Variants in CNTNAP2 observed in about 807,000 individuals in gnomAD.
The protein encoded by CNTNAP2 is contactin-associated protein-like 2.
A neutral mutation model predicts 155.2 loss-of-function variants in CNTNAP2; 98 were observed. The observed-to-expected ratio is 0.63, with a 90% CI of 0.54 to 0.75. CNTNAP2 has a LOEUF of 0.75. CNTNAP2 is among the 30% of genes least tolerant of loss of function. The pLI is 0.00. For missense variants in CNTNAP2, 1,727 were observed against 1,688.1 expected (o/e 1.02, Z -0.40); for synonymous variants, 651 against 631.2 (o/e 1.03, Z -0.47).
intron 4 of CNTNAP2, chr7:147,097,479 G>A (rs776634095): frequency 2.0e-5 from 3 of 152,286 alleles, no homozygotes; most frequent in Non-Finnish European, 4.4e-5. Context: ...GAAGGTGGAG[G>A]GGACCTTGAA....
At chr7:147,399,180 C>G (rs1184939577) in intron 10 of CNTNAP2, among the ~76,000 whole-genome samples, 1 of 152,058 alleles carries the variant, frequency 6.6e-6, no homozygotes, top group Non-Finnish European at 1.5e-5. Context: ...GGAATAGACG[C>G]CAGAACAAGC....
intron 12 of CNTNAP2, among the ~76,000 whole-genome samples, chr7:147,614,482 T>C (rs1282319331): frequency 6.6e-6 from 1 of 151,988 alleles, no homozygotes; most frequent in Non-Finnish European, 1.5e-5. Context: ...TTAGTTATTA[T>C]TGGAAATATA....
intron 1 of CNTNAP2, among the ~76,000 whole-genome samples, chr7:146,511,573 A>G (rs1433336623): frequency 2.0e-5 from 3 of 152,248 alleles, no homozygotes; most frequent in African/African-American, 4.8e-5. Flanking sequence ...AATATGATGT[A>G]TCACATTTAC....
At chr7:146,445,243 C>A (rs890258748) in intron 1 of CNTNAP2, among the ~76,000 whole-genome samples, 1 of 152,034 alleles carries the variant, frequency 6.6e-6, no homozygotes, top group Non-Finnish European at 1.5e-5. Context: ...ATTTTTTATG[C>A]CTGACGTTGT....
chr7:146,182,927 A>G (rs1443559317), intron 1 of CNTNAP2, among the ~76,000 whole-genome samples: 1 of 152,090 alleles, frequency 6.6e-6, no homozygotes, highest in Non-Finnish European at 1.5e-5. Flanking sequence ...TGTCCTATTA[A>G]ATACCACCTT....
chr7:146,396,070 T>C (rs1164036342), intron 1 of CNTNAP2, among the ~76,000 whole-genome samples: 2 of 152,108 alleles, frequency 1.3e-5, no homozygotes, highest in Non-Finnish European at 2.9e-5. Context: ...TCATACTTTT[T>C]CCCCTTCATC....
At chr7:148,087,042 T>C (rs78517285) in intron 15 of CNTNAP2, among the ~76,000 whole-genome samples, 6,779 of 152,254 alleles carry the variant, frequency 0.045, 360 homozygotes, top group East Asian at 0.28. Context: ...ATTAGGGCCA[T>C]TGAAGAATTT....
chr7:148,154,158 T>A (rs913741134), intron 17 of CNTNAP2, among the ~76,000 whole-genome samples: 24 of 152,208 alleles, frequency 1.6e-4, no homozygotes, highest in African/African-American at 5.5e-4. Context: ...TCACCCTCAG[T>A]GCTTCAAGCT....
intron 15 of CNTNAP2, among the ~76,000 whole-genome samples, chr7:148,050,427 G>A (rs1169458423): frequency 6.6e-6 from 1 of 152,124 alleles, no homozygotes; most frequent in Non-Finnish European, 1.5e-5. Flanking sequence ...TAGAAGAAAA[G>A]GCTGATAGAA....
intron 10 of CNTNAP2, among the ~76,000 whole-genome samples, chr7:147,459,991 A>G (rs2116585252): frequency 6.6e-6 from 1 of 152,186 alleles, no homozygotes; most frequent in South Asian, 2.1e-4. Context: ...AGGGCCTGTC[A>G]GGGGATGGTG....
At chr7:148,292,114 T>G (rs187431005) in intron 21 of CNTNAP2, among the ~76,000 whole-genome samples, 46 of 152,302 alleles carry the variant, frequency 3.0e-4, no homozygotes, top group African/African-American at 1.1e-3. Flanking sequence ...TTTTTTTGTT[T>G]TGTTTTGTTT....
intron 3 of CNTNAP2, among the ~76,000 whole-genome samples, chr7:146,905,746 A>G (rs996959612): frequency 6.6e-6 from 1 of 152,224 alleles, no homozygotes; most frequent in African/African-American, 2.4e-5. Context: ...AATGAAACCT[A>G]TAACAATTTT....
At chr7:146,655,304 C>T (rs757284836) in intron 1 of CNTNAP2, among the ~76,000 whole-genome samples, 4 of 149,002 alleles carry the variant, frequency 2.7e-5, no homozygotes, top group Non-Finnish European at 4.4e-5. Context: ...GTCCCAGCTA[C>T]TCAGAAGGCT....
chr7:148,181,102 G>C (rs1795031298), intron 18 of CNTNAP2, among the ~76,000 whole-genome samples: 1 of 152,186 alleles, frequency 6.6e-6, no homozygotes, highest in Non-Finnish European at 1.5e-5. Flanking sequence ...CTTGGGCTAA[G>C]AGTTACACCA....
chr7:148,326,534 A>T (rs1405707862), intron 21 of CNTNAP2, among the ~76,000 whole-genome samples: 1 of 152,106 alleles, frequency 6.6e-6, no homozygotes, highest in Non-Finnish European at 1.5e-5. Flanking sequence ...TCTTGAAAGG[A>T]TTTGAAACGG....
At position 146,853,962 on chromosome 7, in the gene CNTNAP2, A is replaced by G. The variant is rs183697253; in HGVS notation, c.402+14058A>G. ...AGAAATACTGCATGTACCTACATCT[A>G]TTAGAAGTCAAACTGTCCAAAATGG... On this transcript the variant is annotated intron_variant, in intron 3 of 23. Coordinates refer to ENST00000361727, the MANE Select transcript of CNTNAP2 (RefSeq NM_014141.6). Among the ~76,000 whole-genome samples the G allele has an allele frequency of 5.3e-4, 81 of 152,342 alleles. 1 individual carries two copies. Among genetic ancestry groups the G allele is most frequent in the African/African-American group, 1.9e-3 (78 of 41,580 alleles).
At chr7:147,162,871 C>G (rs1802052933) in intron 8 of CNTNAP2, among the ~76,000 whole-genome samples, 1 of 152,198 alleles carries the variant, frequency 6.6e-6, no homozygotes, top group African/African-American at 2.4e-5. Flanking sequence ...TGCACAGTGA[C>G]TTCTAGCAAT....
chr7:147,140,800 A>C (rs2129287223), intron 8 of CNTNAP2, among the ~76,000 whole-genome samples: 1 of 152,282 alleles, frequency 6.6e-6, no homozygotes, highest in South Asian at 2.1e-4. Flanking sequence ...GGCAGGGGCC[A>C]GAAAAGTTGT....
chr7:146,368,447 T>C (rs1410019424), intron 1 of CNTNAP2, among the ~76,000 whole-genome samples: 1 of 152,136 alleles, frequency 6.6e-6, no homozygotes, highest in African/African-American at 2.4e-5. Context: ...ATGGTATGGT[T>C]TGGTACCACA....
Sources: allele counts gnomAD v4.1 joint callset (sites outside exome capture counted in the v4.1 genomes callset), GRCh38; gene constraint gnomAD v4.1.1; transcripts MANE v1.5; gene names NCBI Gene and HGNC (gene_info 2026-07-23, HGNC 2026-07-21).